The following PDXK variants were observed in gnomAD, a reference collection of about 807,000 sequenced individuals.
PDXK encodes the protein epididymis secretory sperm binding protein Li 1a.
In PDXK, 15 loss-of-function variants were observed where a neutral mutation model predicts 43.2. That is an observed-to-expected ratio of 0.35 (90% CI 0.23 to 0.53). The LOEUF (loss-of-function observed/expected upper bound fraction) is 0.53, where lower values mean the gene tolerates loss of function less well. Ranked by LOEUF, PDXK falls within the 20% of genes least tolerant of loss-of-function variation. PDXK has a pLI of 0.92. For missense variants in PDXK, 343 were observed against 417.0 expected (o/e 0.82, Z 1.54); for synonymous variants, 172 against 165.4 (o/e 1.04, Z -0.31).
Position 43,734,163 on chromosome 21 carries a change from TG to T in PDXK, c.142+43del, listed in dbSNP as rs1568977119. ...CCAGCAGCTGGCATAGAGCAGACTG[TG>T]GGTGTGAGGGACGGGGCGGAGTGTG... On this transcript the variant is annotated intron_variant, in intron 2 of 10. Transcript: ENST00000291565. This position sits in a 1 kb window ranked among gnomAD's most constrained non-coding sequence, Gnocchi z 5.0. 6.4e-7 allele frequency: 1 copy of T among 1,556,196 alleles called. No individual in the cohort carries two copies. The highest frequency in any genetic ancestry group is 1.7e-5 in the Admixed American group (1 of 58,592).
intron 2 of PDXK, among the ~76,000 whole-genome samples, chr21:43,736,443 C>G (rs928815619): frequency 6.6e-6 from 1 of 152,118 alleles, no homozygotes; most frequent in Non-Finnish European, 1.5e-5. Flanking sequence ...TGCGGACACT[C>G]GGGCCGTTTC....
intron 4 of PDXK, among the ~76,000 whole-genome samples, chr21:43,744,270 G>T (rs1018155423): frequency 6.6e-6 from 1 of 152,194 alleles, no homozygotes; most frequent in Non-Finnish European, 1.5e-5. Flanking sequence ...CTAGGGAGTG[G>T]CCAAGTCTTT....
chr21:43,746,630 G>A (rs1452276925), intron 5 of PDXK, among the ~76,000 whole-genome samples: 2 of 152,130 alleles, frequency 1.3e-5, no homozygotes, highest in East Asian at 3.9e-4. Context: ...TGTCGTCCAG[G>A]CTGGTCTCGA....
In PDXK at chr21:43,743,792, C is replaced by A. The variant is rs762776421; in HGVS notation, c.316C>A (p.Pro106Thr). The A allele has an allele frequency of 2.5e-6, 4 of 1,613,170 alleles. No homozygotes were observed. The highest frequency in any genetic ancestry group is 1.7e-4 in the Middle Eastern group (1 of 6,058). ...DIVQELKQQNPRLVYVCDPVL... is the reference protein window; with the variant it reads ...DIVQELKQQNTRLVYVCDPVL... ...TGTGCAGGAGCTGAAGCAGCAGAAC[C>A]CCAGGCTGGTGTACGGTAGGCAGGG... The change falls in exon 4 of 11, where the codon CCC becomes ACC. Residue 106 changes from proline to threonine, a missense_variant. Transcript: ENST00000291565.
rs775234469 is a variant in PDXK at position 43,732,685 on chromosome 21, C to G, written c.88-1384C>G. On this transcript the variant is annotated intron_variant, in intron 1 of 10. Coordinates refer to ENST00000291565, the MANE Select transcript of PDXK (RefSeq NM_003681.5). This position sits in a 1 kb window ranked among gnomAD's most constrained non-coding sequence, Gnocchi z 4.1. Reference sequence around the variant, plus strand: ...AAGGATTTGAAATACTGCAAGCTATCTGTGTATAGAGGCTGTGGATTCGGG... The same window carrying G: ...AAGGATTTGAAATACTGCAAGCTATGTGTGTATAGAGGCTGTGGATTCGGG... 1 of 773,826 alleles carries G rather than the reference C, an allele frequency of 1.3e-6. No homozygotes were observed. The highest frequency in any genetic ancestry group is 1.3e-5 in the South Asian group (1 of 74,354). 47.9% of individuals were successfully genotyped at this position (773,826 alleles called of 1,614,324 possible).
intron 3 of PDXK, among the ~76,000 whole-genome samples, chr21:43,742,328 C>T (rs1330892875): frequency 1.3e-5 from 2 of 152,138 alleles, no homozygotes; most frequent in East Asian, 3.9e-4. Flanking sequence ...TAAAGGCGTG[C>T]ACCACCATGC....
At chr21:43,748,592 C>T (rs372153018) in intron 5 of PDXK, 8 of 169,102 alleles carry the variant, frequency 4.7e-5, no homozygotes, top group Admixed American at 3.1e-4. Flanking sequence ...GCGGGTTGGG[C>T]TCCCAGTCGC....
chr21:43,747,245 T>C (rs1382410754), intron 5 of PDXK: 1 of 152,286 alleles, frequency 6.6e-6, no homozygotes, highest in African/African-American at 2.4e-5. Flanking sequence ...ACAAATCCAC[T>C]GTGACCAGTC....
chr21:43,748,704 C>T (rs777471357), intron 5 of PDXK, among the ~76,000 whole-genome samples: 1 of 152,146 alleles, frequency 6.6e-6, no homozygotes, highest in Non-Finnish European at 1.5e-5. Flanking sequence ...CCCTCCCTCC[C>T]TCTCTCCTTC....
intron 1 of PDXK, 50 bp downstream of exon 1, chr21:43,719,431 T>G: frequency 6.8e-7 from 1 of 1,469,416 alleles, no homozygotes; most frequent in Non-Finnish European, 9.1e-7. Flanking sequence ...CCCGTGACCT[T>G]GGCGGGGCTG....
chr21:43,720,077 C>G (rs756448416), intron 1 of PDXK, among the ~76,000 whole-genome samples: 11 of 152,212 alleles, frequency 7.2e-5, no homozygotes, highest in Non-Finnish European at 1.3e-4. Context: ...CTTTAGGGAG[C>G]CAGCTTTTAA....
chr21:43,737,207 T>A lies in PDXK; in HGVS notation c.142+3084T>A. ...GGGTGTTCCACACAAGCTGCGTTGT[T>A]GGTTCCCTGACGCCCTTCAGGCTGG... On this transcript the variant is annotated intron_variant, in intron 2 of 10. Transcript: ENST00000291565. This position sits in a 1 kb window ranked among gnomAD's most constrained non-coding sequence, Gnocchi z 4.8. The A allele has an allele frequency of 7.0e-7, 1 of 1,438,816 alleles. No individual in the cohort carries two copies. Among genetic ancestry groups the A allele is most frequent in the Non-Finnish European group, 9.1e-7 (1 of 1,098,668 alleles). The allele number at this position is 1,438,816 out of a possible 1,614,324, so 89.1% of individuals were successfully genotyped here. A position where few individuals can be genotyped will look rare whatever the true frequency, so the allele number is the denominator to read the frequency against.
At position 43,743,967 on chromosome 21, in the gene PDXK, T is replaced by A. The variant is rs546023579; in HGVS notation, c.331+160T>A. Among the ~76,000 whole-genome samples, 440 of 152,298 alleles carry A rather than the reference T, an allele frequency of 2.9e-3. 2 individuals are homozygous for A. The highest frequency in any genetic ancestry group is 5.0e-3 in the Non-Finnish European group (341 of 68,002). On this transcript the variant is annotated intron_variant, in intron 4 of 10. Coordinates refer to ENST00000291565, the MANE Select transcript of PDXK (RefSeq NM_003681.5). ...ATTGTGTCTGCTGGGCCTCTGAAGA[T>A]GTTGGCCTGCTGAAGTCCGCTGGGC...
In PDXK at chr21:43,734,193, G is replaced by A; in HGVS notation, c.142+70G>A. ...GTGAGGGACGGGGCGGAGTGTGGGT[G>A]TGAGGGACGGGGCGGAGTGTGGGTG... is the stretch of plus-strand genomic sequence containing the variant. On this transcript the variant is annotated intron_variant, in intron 2 of 10. Transcript: ENST00000291565. The surrounding 1 kb of genome is among the most constrained non-coding windows in gnomAD (Gnocchi z 5.0). The A allele has an allele frequency of 2.8e-6, 4 of 1,412,458 alleles. No individual in the cohort carries two copies. The highest frequency in any genetic ancestry group is 1.2e-5 in the South Asian group (1 of 86,878). 87.5% of individuals were successfully genotyped at this position (1,412,458 alleles called of 1,614,324 possible). A position where few individuals can be genotyped will look rare whatever the true frequency, so the allele number is the denominator to read the frequency against.
intron 6 of PDXK, among the ~76,000 whole-genome samples, chr21:43,749,454 G>A (rs1321837661): frequency 6.6e-6 from 1 of 152,224 alleles, no homozygotes; most frequent in Non-Finnish European, 1.5e-5. Flanking sequence ...CCCAGGGAGA[G>A]CTGCAGAGAA....
rs953255869 is a variant in PDXK at position 43,761,083 on chromosome 21, G to C, written c.*5020G>C. 1.3e-5 allele frequency: 2 copies of C among 152,044 alleles called. No individual in the cohort carries two copies. Among genetic ancestry groups the C allele is most frequent in the Non-Finnish European group, 2.9e-5 (2 of 68,028 alleles). The allele number at this position is 152,044 out of a possible 1,614,324, so 9.4% of individuals were successfully genotyped here. On this transcript the variant is annotated 3_prime_UTR_variant, in exon 11 of 11. Coordinates refer to ENST00000291565, the MANE Select transcript of PDXK (RefSeq NM_003681.5). Reference sequence around the variant, plus strand: ...AAGTTCTTCCTGGAATTTTTCTTTCGATTCTGGCAGAATAAACAGGTGTTT... The same window carrying C: ...AAGTTCTTCCTGGAATTTTTCTTTCCATTCTGGCAGAATAAACAGGTGTTT...
chr21:43,739,303 G>A (rs998059288), intron 2 of PDXK, among the ~76,000 whole-genome samples: 2 of 152,170 alleles, frequency 1.3e-5, no homozygotes, highest in African/African-American at 2.4e-5. Flanking sequence ...GATTACAGGC[G>A]TGAGCCACCG....
Position 43,735,989 on chromosome 21 carries a change from C to T in PDXK, c.142+1866C>T, listed in dbSNP as rs1490826559. Among the ~76,000 whole-genome samples, 17 of 152,334 alleles carry T rather than the reference C, an allele frequency of 1.1e-4. No homozygotes were observed. Among genetic ancestry groups the T allele is most frequent in the African/African-American group, 4.1e-4 (17 of 41,574 alleles). The stretch of plus-strand genomic sequence containing the variant: ...TGGTGGTCAAGACGGGGGACTCGGC[C>T]TCCTCCGTGCAGCCCCTCAGCCCCT... On this transcript the variant is annotated intron_variant, in intron 2 of 10. Coordinates refer to ENST00000291565, the MANE Select transcript of PDXK (RefSeq NM_003681.5). The surrounding 1 kb of genome is among the most constrained non-coding windows in gnomAD (Gnocchi z 5.3).
intron 1 of PDXK, among the ~76,000 whole-genome samples, chr21:43,730,180 G>C (rs1287943850): frequency 1.3e-5 from 2 of 151,960 alleles, no homozygotes; most frequent in African/African-American, 4.8e-5. Flanking sequence ...TGTCACCCAG[G>C]CTAGTTGCAG....
Sources: allele counts gnomAD v4.1 joint callset (sites outside exome capture counted in the v4.1 genomes callset), GRCh38; gene constraint gnomAD v4.1.1; non-coding constraint Gnocchi (gnomAD v3.1); transcripts MANE v1.5; gene names NCBI Gene and HGNC (gene_info 2026-07-23, HGNC 2026-07-21).